DLEU7: variants seen among roughly 807,000 people sequenced by gnomAD.
DLEU7 encodes deleted in lymphocytic leukemia 7, also known as leukemia-associated protein 7.
Under a neutral mutation model 16.0 loss-of-function variants are expected in DLEU7, and 17 were observed. That is an observed-to-expected ratio of 1.06 (90% CI 0.73 to 1.59). The LOEUF (loss-of-function observed/expected upper bound fraction) is 1.59. Among genes scored for constraint, DLEU7 ranks in the 40% most tolerant of loss-of-function variants. The probability of loss-of-function intolerance (pLI) is 0.00; values close to 1 mark genes in which losing one functional copy is unlikely to be tolerated. For missense variants in DLEU7, 308 were observed against 314.9 expected, an observed-to-expected ratio of 0.98 and a Z score of 0.17; for synonymous variants, 113 against 139.8, an observed-to-expected ratio of 0.81 and a Z score of 1.35.
intron 1 of DLEU7, among the ~76,000 whole-genome samples, chr13:50,757,651 C>T (rs1277756490): frequency 2.0e-5 from 3 of 152,222 alleles, no homozygotes. Context: ...AAACCTCCAT[C>T]TTTCAGGCTG....
intron 1 of DLEU7, among the ~76,000 whole-genome samples, chr13:50,842,860 A>G (rs925593324): frequency 3.3e-5 from 5 of 152,262 alleles, no homozygotes; most frequent in African/African-American, 1.2e-4. Context: ...CTATCCCTAC[A>G]AGCTGCACGT....
Position 50,771,982 on chromosome 13 carries a change from C to T in DLEU7, c.460-58742G>A, listed in dbSNP as rs565220885. On this transcript the variant is annotated intron_variant, in intron 1 of 1. Transcript: ENST00000400393. ...GTGCATATATATTTAGGATAGTTAG[C>T]GCTTCTTGTTGAATTGATCCCTTTA... 3.6e-3 allele frequency among the ~76,000 whole-genome samples: 550 copies of T among 152,198 alleles called. 2 individuals are homozygous for T. Among genetic ancestry groups the T allele is most frequent in the African/African-American group, 0.012 (494 of 41,514 alleles).
At chr13:50,752,052 C>CTTTTTT (rs200928092) in intron 1 of DLEU7, among the ~76,000 whole-genome samples, 19 of 135,752 alleles carry the variant, frequency 1.4e-4, no homozygotes, top group East Asian at 9.2e-4. Flanking sequence ...CTCTTTCAGT[C>CTTTTTT]TTTTTTTTTT....
At chr13:50,744,944 T>C (rs1226710440) in intron 1 of DLEU7, among the ~76,000 whole-genome samples, 1 of 152,166 alleles carries the variant, frequency 6.6e-6, no homozygotes, top group African/African-American at 2.4e-5. Context: ...GTGGAGAAGT[T>C]GGGACCCTTG....
At chr13:50,793,014 C>A (rs1353926802) in intron 1 of DLEU7, among the ~76,000 whole-genome samples, 1 of 151,998 alleles carries the variant, frequency 6.6e-6, no homozygotes, top group Non-Finnish European at 1.5e-5. Context: ...TTTTTTCAAC[C>A]CTTCCCTGAA....
chr13:50,765,369 C>T (rs969905618), intron 1 of DLEU7, among the ~76,000 whole-genome samples: 2 of 151,268 alleles, frequency 1.3e-5, no homozygotes, highest in African/African-American at 2.4e-5. Context: ...CTGAAGGGTG[C>T]AGACAGGGGA....
chr13:50,769,228 T>G (rs977534149), intron 1 of DLEU7, among the ~76,000 whole-genome samples: 3 of 152,226 alleles, frequency 2.0e-5, no homozygotes, highest in Non-Finnish European at 2.9e-5. Flanking sequence ...TTTCTCCCAT[T>G]CTGTAGGTTG....
At chr13:50,745,488 G>T (rs566468452) in intron 1 of DLEU7, among the ~76,000 whole-genome samples, 1 of 152,120 alleles carries the variant, frequency 6.6e-6, no homozygotes, top group South Asian at 2.1e-4. Flanking sequence ...GATAGATAGT[G>T]GTGATAATGT....
chr13:50,754,521 A>C (rs1304138610), intron 1 of DLEU7, among the ~76,000 whole-genome samples: 1 of 152,190 alleles, frequency 6.6e-6, no homozygotes, highest in African/African-American at 2.4e-5. Flanking sequence ...CCATTTGCAT[A>C]AAATGCCTTT....
chr13:50,827,713 A>C (rs1317211016), intron 1 of DLEU7, among the ~76,000 whole-genome samples: 1 of 152,036 alleles, frequency 6.6e-6, no homozygotes, highest in African/African-American at 2.4e-5. Flanking sequence ...CAGATTATTG[A>C]CCTTATGTAT....
At chr13:50,752,052 C>CTTTTTTTTTTTTTTTTTTTT (rs200928092) in intron 1 of DLEU7, among the ~76,000 whole-genome samples, 2 of 135,738 alleles carry the variant, frequency 1.5e-5, no homozygotes, top group African/African-American at 5.5e-5. Context: ...CTCTTTCAGT[C>CTTTTTTTTTTTTTTTTTTTT]TTTTTTTTTT....
intron 1 of DLEU7, among the ~76,000 whole-genome samples, chr13:50,759,065 C>T (rs1265241743): frequency 2.6e-5 from 4 of 152,196 alleles, no homozygotes; most frequent in African/African-American, 4.8e-5. Context: ...ACAAGAAAAT[C>T]GGAATTCCTT....
intron 1 of DLEU7, among the ~76,000 whole-genome samples, chr13:50,823,835 A>G (rs1448422595): frequency 2.0e-5 from 3 of 152,346 alleles, no homozygotes; most frequent in East Asian, 1.9e-4. Context: ...AACTGAGGCT[A>G]TTGGAAAATA....
chr13:50,842,697 A>C (rs1877709506), intron 1 of DLEU7, among the ~76,000 whole-genome samples: 1 of 152,242 alleles, frequency 6.6e-6, no homozygotes, highest in Admixed American at 6.5e-5. Flanking sequence ...AATTGGATTT[A>C]TGCAAAAAAT....
chr13:50,729,014 A>ATATT (rs1555288259), intron 1 of DLEU7, among the ~76,000 whole-genome samples: 1 of 151,886 alleles, frequency 6.6e-6, no homozygotes, highest in Admixed American at 6.6e-5. Context: ...TCTATCAGAT[A>ATATT]TATTTATTTA....
chr13:50,760,697 G>A (rs1335953467), intron 1 of DLEU7, among the ~76,000 whole-genome samples: 1 of 152,142 alleles, frequency 6.6e-6, no homozygotes, highest in Admixed American at 6.6e-5. Flanking sequence ...ATGCATGTAA[G>A]TATTTACTGA....
chr13:50,804,530 G>C (rs930069588), intron 1 of DLEU7, among the ~76,000 whole-genome samples: 1 of 151,476 alleles, frequency 6.6e-6, no homozygotes, highest in Non-Finnish European at 1.5e-5. Context: ...TGCAATCTCT[G>C]CCTCCTGGGT....
chr13:50,752,948 C>G (rs1272699090), intron 1 of DLEU7, among the ~76,000 whole-genome samples: 1 of 152,146 alleles, frequency 6.6e-6, no homozygotes, highest in Non-Finnish European at 1.5e-5. Flanking sequence ...TCTGTTTTGA[C>G]AGGGCACTGA....
At chr13:50,764,604 C>T (rs1354776012) in intron 1 of DLEU7, among the ~76,000 whole-genome samples, 1 of 152,210 alleles carries the variant, frequency 6.6e-6, no homozygotes, top group African/African-American at 2.4e-5. Context: ...TCATTTCTGG[C>T]ACAGTTGTTA....
Sources: allele counts gnomAD v4.1 joint callset (sites outside exome capture counted in the v4.1 genomes callset), GRCh38; gene constraint gnomAD v4.1.1; transcripts MANE v1.5; gene names NCBI Gene and HGNC (gene_info 2026-07-23, HGNC 2026-07-21).